CD163L1: variants seen among roughly 807,000 people sequenced by gnomAD.
CD163L1 encodes the protein scavenger receptor cysteine-rich type 1 protein M160.
In CD163L1, 124 loss-of-function variants were observed where a neutral mutation model predicts 165.4. That is an observed-to-expected ratio of 0.75 (90% CI 0.65 to 0.87). The LOEUF (loss-of-function observed/expected upper bound fraction) is 0.87, where lower values mean the gene tolerates loss of function less well. Ranked by LOEUF, CD163L1 falls within the 40% of genes least tolerant of loss-of-function variation. CD163L1 has a pLI of 0.00. For missense variants in CD163L1, 1,525 were observed against 1,799.9 expected, an observed-to-expected ratio of 0.85 and a Z score of 2.76; for synonymous variants, 585 against 662.2, an observed-to-expected ratio of 0.88 and a Z score of 1.79.
At chr12:7,380,299 G>GTATACACATATACATACATATATGTA (rs1565784031) in intron 8 of CD163L1, among the ~76,000 whole-genome samples, 134 of 51,830 alleles carry the variant, frequency 2.6e-3, no homozygotes, top group Admixed American at 7.5e-3. Context: ...GTGTGTGTGT[G>GTATACACATATACATACATATATGTA]TGTATACACA....
At chr12:7,356,405 G>T (rs1175357005) in intron 19 of CD163L1, among the ~76,000 whole-genome samples, 1 of 151,832 alleles carries the variant, frequency 6.6e-6, no homozygotes, top group Non-Finnish European at 1.5e-5. Flanking sequence ...ATATATTTTT[G>T]AGAAAAAACG....
At position 7,375,603 on chromosome 12, in the gene CD163L1, G is replaced by A; in HGVS notation, c.2687-8C>T. The stretch of plus-strand genomic sequence containing the variant: ...GTCGGACATCTGTATATCCTAGGAG[G>A]AGACAAGGCCATAGAAGAGACATCA... On this transcript the variant is annotated splice_region_variant and splice_polypyrimidine_tract_variant and intron_variant, in intron 10 of 19. Coordinates refer to ENST00000313599, the MANE Select transcript of CD163L1 (RefSeq NM_174941.6). 1.2e-6 allele frequency: 2 copies of A among 1,611,910 alleles called. No homozygotes were observed. Among genetic ancestry groups the A allele is most frequent in the South Asian group, 1.1e-5 (1 of 91,060 alleles).
intron 18 of CD163L1, 132 bp from the exon 19 acceptor site, chr12:7,357,618 AGCAC>A (rs2136375883): frequency 1.8e-6 from 1 of 566,604 alleles, no homozygotes; most frequent in East Asian, 2.8e-5. Context: ...ATAAATTAAG[AGCAC>A]GCTTAGTTAT....
At chr12:7,322,850 C>T in the CD163L1 span, among the ~76,000 whole-genome samples, 9,264 of 152,188 alleles carry the variant, frequency 0.061, 380 homozygotes, top group East Asian at 0.16. Context: ...CCTCTGAGAG[C>T]GTCCATGGGA....
intron 4 of CD163L1, among the ~76,000 whole-genome samples, chr12:7,421,217 G>A (rs1342784485): frequency 2.3e-5 from 3 of 130,140 alleles, no homozygotes; most frequent in African/African-American, 5.6e-5. Context: ...GTATATATAT[G>A]TGTATATATA....
intron 11 of CD163L1, 63 bp downstream of exon 11, chr12:7,375,218 C>A: frequency 6.5e-7 from 1 of 1,539,870 alleles, no homozygotes; most frequent in Admixed American, 1.7e-5. Context: ...CCTTTAATCC[C>A]AACTCCCTCT....
chr12:7,328,251 A>T, the CD163L1 span: 1 of 1,487,356 alleles, frequency 6.7e-7, no homozygotes, highest in Non-Finnish European at 9.2e-7. Context: ...GAAGGATGGA[A>T]TCAAGTGTCT....
At chr12:7,396,546 C>T (rs1047768649) in intron 7 of CD163L1, 131 bp from the exon 8 acceptor site, 61 of 863,522 alleles carry the variant, frequency 7.1e-5, no homozygotes, top group Non-Finnish European at 9.7e-5. Context: ...GGTATTTTTT[C>T]AGATGTGATT....
In CD163L1 at chr12:7,368,304, TATAC is replaced by T. The variant is rs1947065002; in HGVS notation, c.4073-111_4073-108del. 1.6e-6 allele frequency: 1 copy of T among 608,006 alleles called. No homozygotes were observed. The highest frequency in any genetic ancestry group is 1.9e-5 in the African/African-American group (1 of 53,388). The allele number at this position is 608,006 out of a possible 1,614,324, so 37.7% of individuals were successfully genotyped here. On this transcript the variant is annotated intron_variant, in intron 16 of 19. Coordinates refer to ENST00000313599, the MANE Select transcript of CD163L1 (RefSeq NM_174941.6). This position sits in a 1 kb window ranked among gnomAD's most constrained non-coding sequence, Gnocchi z 4.3. ...CCTAGTTGCTGAGAAGAATAATGGC[TATAC>T]ATTTCAACATATTCATGAACAGTAC...
intron 4 of CD163L1, among the ~76,000 whole-genome samples, chr12:7,426,228 G>A (rs138486393): frequency 3.9e-5 from 6 of 152,200 alleles, no homozygotes; most frequent in African/African-American, 1.4e-4. Flanking sequence ...ACTCATAAGT[G>A]GGAGTTGAAC....
chr12:7,383,286 C>T (rs78524534), intron 8 of CD163L1, among the ~76,000 whole-genome samples: 8,780 of 152,206 alleles, frequency 0.058, 262 homozygotes, highest in Non-Finnish European at 0.065. Context: ...CCACTACCTC[C>T]AGCACCCACC....
chr12:7,433,732 A>G, intron 2 of CD163L1, 38 bp from the exon 3 acceptor site: 1 of 1,475,082 alleles, frequency 6.8e-7, no homozygotes, highest in Admixed American at 2.0e-5. Context: ...GAGATGGCAA[A>G]GATTAGAAGG....
chr12:7,330,985 G>A, the CD163L1 span, among the ~76,000 whole-genome samples: 60 of 152,204 alleles, frequency 3.9e-4, no homozygotes, highest in African/African-American at 1.3e-3. Context: ...AGCAGGGCGA[G>A]GCATCGCCTC....
At chr12:7,355,556 G>T (rs1341899599) in intron 19 of CD163L1, among the ~76,000 whole-genome samples, 1 of 152,038 alleles carries the variant, frequency 6.6e-6, no homozygotes, top group African/African-American at 2.4e-5. Context: ...ACAAAAGTAG[G>T]TTTTTTTGTA....
the CD163L1 span, chr12:7,328,161 T>G: frequency 4.7e-6 from 3 of 636,248 alleles, no homozygotes; most frequent in African/African-American, 1.9e-5. Context: ...TGAAATTCAA[T>G]GAGCTTAGGC....
chr12:7,399,302 T>TC (rs1591926599), intron 6 of CD163L1, among the ~76,000 whole-genome samples: 1 of 143,048 alleles, frequency 7.0e-6, no homozygotes, highest in East Asian at 2.1e-4. Context: ...CTTTCTCTCC[T>TC]TTCTTTCTTT....
chr12:7,384,615 T>C (rs1201364329), intron 8 of CD163L1, among the ~76,000 whole-genome samples: 1 of 152,052 alleles, frequency 6.6e-6, no homozygotes, highest in Non-Finnish European at 1.5e-5. Context: ...GCAGAAATCT[T>C]ACAGGCCAGG....
chr12:7,362,657 T>A (rs1173799687), intron 18 of CD163L1, among the ~76,000 whole-genome samples: 5 of 145,832 alleles, frequency 3.4e-5, no homozygotes, highest in Non-Finnish European at 7.5e-5. Context: ...AATTATATAA[T>A]TCTAATATAA....
chr12:7,340,362 C>T, the CD163L1 span, among the ~76,000 whole-genome samples: 1 of 152,052 alleles, frequency 6.6e-6, no homozygotes, highest in Non-Finnish European at 1.5e-5. Flanking sequence ...CGCCTCCCCA[C>T]CATAATAAAA....
Sources: allele counts gnomAD v4.1 joint callset (sites outside exome capture counted in the v4.1 genomes callset), GRCh38; gene constraint gnomAD v4.1.1; non-coding constraint Gnocchi (gnomAD v3.1); transcripts MANE v1.5; gene names NCBI Gene and HGNC (gene_info 2026-07-23, HGNC 2026-07-21).